The following SORCS1 variants were observed in gnomAD, a reference collection of about 807,000 sequenced individuals.
The protein encoded by SORCS1 is sortilin related VPS10 domain containing receptor 1.
SORCS1 carries 60 observed loss-of-function variants against 146.1 expected under a neutral mutation model. The ratio of observed to expected loss-of-function variants is 0.41; its 90% CI spans 0.33 to 0.51. SORCS1 has a LOEUF of 0.51. SORCS1 is among the 20% of genes least tolerant of loss of function. SORCS1 has a pLI of 0.21. For synonymous variants in SORCS1, 637 were observed against 584.0 expected (o/e 1.09, Z -1.31); for missense variants, 1,352 against 1,487.6 (o/e 0.91, Z 1.50).
intron 23 of SORCS1, among the ~76,000 whole-genome samples, chr10:106,605,660 G>A (rs2133372081): frequency 6.6e-6 from 1 of 152,224 alleles, no homozygotes; most frequent in East Asian, 1.9e-4. Flanking sequence ...AGAGTATGAT[G>A]GGAAGCTGAG....
intron 2 of SORCS1, among the ~76,000 whole-genome samples, chr10:106,836,373 C>A (rs980486294): frequency 1.3e-5 from 2 of 150,326 alleles, no homozygotes; most frequent in Non-Finnish European, 3.0e-5. Flanking sequence ...ACTCGGGAGG[C>A]TGAGGCAGGA....
At chr10:106,860,457 A>C (rs1467374893) in intron 2 of SORCS1, among the ~76,000 whole-genome samples, 2 of 151,880 alleles carry the variant, frequency 1.3e-5, no homozygotes, top group African/African-American at 4.8e-5. Flanking sequence ...AATGCTTAAG[A>C]TACCACACAC....
intron 1 of SORCS1, among the ~76,000 whole-genome samples, chr10:106,983,042 G>A (rs1344766502): frequency 1.3e-5 from 2 of 150,944 alleles, no homozygotes; most frequent in Admixed American, 6.6e-5. Context: ...ACATGCAAAT[G>A]AGTGATTTTT....
chr10:107,020,791 A>G (rs1958092900), intron 1 of SORCS1, among the ~76,000 whole-genome samples: 1 of 152,192 alleles, frequency 6.6e-6, no homozygotes, highest in Non-Finnish European at 1.5e-5. Flanking sequence ...TATTTTAAGG[A>G]ATTTTGGACA....
chr10:106,859,857 G>C (rs1484669278), intron 2 of SORCS1, among the ~76,000 whole-genome samples: 1 of 152,132 alleles, frequency 6.6e-6, no homozygotes, highest in African/African-American at 2.4e-5. Flanking sequence ...CCATCTACTA[G>C]GAGCAAAATG....
chr10:106,599,178 C>A (rs1846083126), intron 23 of SORCS1, among the ~76,000 whole-genome samples: 1 of 151,938 alleles, frequency 6.6e-6, no homozygotes, highest in Admixed American at 6.6e-5. Context: ...CCAGCATGGC[C>A]AACATGGTGA....
chr10:106,976,333 G>GTTTTTTTT (rs1554901318), intron 1 of SORCS1, among the ~76,000 whole-genome samples: 1 of 113,800 alleles, frequency 8.8e-6, no homozygotes, highest in Admixed American at 9.2e-5. Context: ...AGGTTTTTTT[G>GTTTTTTTT]TTTTTTTTTT....
At chr10:106,882,188 T>C (rs1482362918) in intron 2 of SORCS1, among the ~76,000 whole-genome samples, 1 of 152,152 alleles carries the variant, frequency 6.6e-6, no homozygotes, top group Non-Finnish European at 1.5e-5. Flanking sequence ...TATCCAATCT[T>C]TTGACTTCCC....
intron 2 of SORCS1, among the ~76,000 whole-genome samples, chr10:106,917,961 C>A (rs7069487): frequency 0.033 from 5,094 of 152,214 alleles, 261 homozygotes; most frequent in African/African-American, 0.11. Context: ...TCAATAGCTG[C>A]AGCTCATTTT....
chr10:106,806,618 C>T (rs1313179210), intron 3 of SORCS1, among the ~76,000 whole-genome samples: 1 of 147,404 alleles, frequency 6.8e-6, no homozygotes, highest in Non-Finnish European at 1.5e-5. Context: ...CGGGTTCACG[C>T]CATTCTCCTG....
intron 22 of SORCS1, among the ~76,000 whole-genome samples, chr10:106,608,514 A>G (rs962986819): frequency 2.6e-5 from 4 of 152,214 alleles, no homozygotes; most frequent in Non-Finnish European, 5.9e-5. Flanking sequence ...TAAGTTACTT[A>G]GCACAATCCC....
chr10:106,952,944 C>T (rs897721409), intron 2 of SORCS1, among the ~76,000 whole-genome samples: 1 of 151,916 alleles, frequency 6.6e-6, no homozygotes, highest in African/African-American at 2.4e-5. Flanking sequence ...GATCATGCCA[C>T]TGCACTCCAG....
At chr10:106,627,248 T>C (rs749497349) in intron 19 of SORCS1, among the ~76,000 whole-genome samples, 2 of 152,178 alleles carry the variant, frequency 1.3e-5, no homozygotes, top group Admixed American at 6.6e-5. Flanking sequence ...GAAGATTTAA[T>C]GGGAGACCCT....
intron 3 of SORCS1, among the ~76,000 whole-genome samples, chr10:106,784,388 C>A (rs1415469286): frequency 1.5e-5 from 2 of 134,928 alleles, no homozygotes; most frequent in Admixed American, 7.3e-5. Flanking sequence ...GAGGGAGACT[C>A]CGTCAAAAAA....
At chr10:106,953,543 G>A (rs1403808495) in intron 2 of SORCS1, among the ~76,000 whole-genome samples, 2 of 151,752 alleles carry the variant, frequency 1.3e-5, no homozygotes, top group African/African-American at 4.8e-5. Flanking sequence ...ATATAGTCAT[G>A]TATCACTTAA....
intron 17 of SORCS1, among the ~76,000 whole-genome samples, chr10:106,652,990 T>G (rs891504809): frequency 3.3e-5 from 5 of 152,130 alleles, no homozygotes; most frequent in Non-Finnish European, 7.3e-5. Context: ...TAGATTATGA[T>G]AGATATATGA....
At chr10:106,734,127 A>G (rs1470229912) in intron 5 of SORCS1, among the ~76,000 whole-genome samples, 8 of 152,190 alleles carry the variant, frequency 5.3e-5, no homozygotes, top group African/African-American at 1.7e-4. Context: ...AGGATATTTT[A>G]ATTATTTAAA....
intron 1 of SORCS1, among the ~76,000 whole-genome samples, chr10:106,983,918 C>A (rs1281794121): frequency 6.6e-6 from 1 of 152,084 alleles, no homozygotes; most frequent in Non-Finnish European, 1.5e-5. Flanking sequence ...GCCTTAATGG[C>A]AACTTGTAAA....
intron 1 of SORCS1, among the ~76,000 whole-genome samples, chr10:107,070,926 A>C (rs1441105065): frequency 1.3e-5 from 2 of 152,200 alleles, no homozygotes; most frequent in Non-Finnish European, 2.9e-5. Context: ...TCTTAAAAAA[A>C]AAAATAGTCC....
Sources: allele counts gnomAD v4.1 joint callset (sites outside exome capture counted in the v4.1 genomes callset), GRCh38; gene constraint gnomAD v4.1.1; transcripts MANE v1.5; gene names NCBI Gene and HGNC (gene_info 2026-07-23, HGNC 2026-07-21).